SOX5: variants seen among roughly 807,000 people sequenced by gnomAD.
The protein encoded by SOX5 is transcription factor SOX-5.
SOX5 carries 9 observed loss-of-function variants against 92.0 expected under a neutral mutation model. The observed-to-expected ratio is 0.10, with a 90% CI of 0.06 to 0.17. SOX5 has a LOEUF of 0.17. Among genes scored for constraint, SOX5 ranks in the 10% least tolerant of loss-of-function variants. SOX5 has a pLI of 1.00. For missense variants in SOX5, 642 were observed against 944.5 expected (o/e 0.68, Z 4.20); for synonymous variants, 344 against 336.3 (o/e 1.02, Z -0.25).
At chr12:23,573,331 G>A (rs1161174874) in intron 10 of SOX5, among the ~76,000 whole-genome samples, 1 of 152,048 alleles carries the variant, frequency 6.6e-6, no homozygotes, top group Admixed American at 6.6e-5. Flanking sequence ...TGTATAACTG[G>A]AAATCTATTC....
chr12:23,830,966 A>G (rs1448211826), intron 3 of SOX5, among the ~76,000 whole-genome samples: 1 of 152,140 alleles, frequency 6.6e-6, no homozygotes, highest in Non-Finnish European at 1.5e-5. Flanking sequence ...ATCATGCACC[A>G]GGGGCCTGTC....
At chr12:24,246,056 G>A (rs1938628081) in intron 3 of SOX5, among the ~76,000 whole-genome samples, 1 of 152,102 alleles carries the variant, frequency 6.6e-6, no homozygotes, top group African/African-American at 2.4e-5. Context: ...TTTCACATAT[G>A]GACAAAGTTC....
At chr12:23,651,270 CACA>C in intron 7 of SOX5, among the ~76,000 whole-genome samples, 1 of 152,046 alleles carries the variant, frequency 6.6e-6, no homozygotes. Flanking sequence ...TTTTAATCTT[CACA>C]ACAACTCTTT....
At chr12:24,452,313 A>C (rs1479461509) in intron 1 of SOX5, among the ~76,000 whole-genome samples, 1 of 152,206 alleles carries the variant, frequency 6.6e-6, no homozygotes, top group Non-Finnish European at 1.5e-5. Context: ...AATCGAACTT[A>C]TAAGGTAAAA....
intron 4 of SOX5, among the ~76,000 whole-genome samples, chr12:24,125,473 G>T (rs536330411): frequency 1.3e-5 from 2 of 152,162 alleles, no homozygotes; most frequent in Admixed American, 6.5e-5. Flanking sequence ...ACATTGCTAA[G>T]ATATTGCATC....
At chr12:24,557,988 T>C (rs1166111256) in intron 1 of SOX5, among the ~76,000 whole-genome samples, 1 of 152,200 alleles carries the variant, frequency 6.6e-6, no homozygotes. Context: ...GTAAAATCAT[T>C]AGTTGCCTAT....
rs188690338 is a variant in SOX5, at chr12:23,846,333, G to C, written c.271-140C>G. ...GTAACTTTAAAAAATTGGTTATATG[G>C]CTTATTCAGCTGAAAGATTAAAAAG... On this transcript the variant is annotated intron_variant, in intron 2 of 14. Coordinates refer to ENST00000451604, the MANE Select transcript of SOX5 (RefSeq NM_006940.6). 1.6e-4 allele frequency: 103 copies of C among 663,554 alleles called. No individual in the cohort carries two copies. The African/African-American group carries it at 1.6e-3, about 10-fold the overall frequency. The allele number at this position is 663,554 out of a possible 1,614,324, so 41.1% of individuals were successfully genotyped here. A position where few individuals can be genotyped will look rare whatever the true frequency, so the allele number is the denominator to read the frequency against.
In SOX5 at chr12:24,474,624, C is replaced by T. The variant is rs554674245; in HGVS notation, c.-251+87705G>A. On this transcript the variant is annotated intron_variant, in intron 1 of 4. Transcript: ENST00000446891. The stretch of plus-strand genomic sequence containing the variant: ...GATCTCAGTTCATTGCAATGTTTGC[C>T]TCCCAGGTTCAAGCGATTCTCCTGC... Among the ~76,000 whole-genome samples, 3 of 152,152 alleles carry T rather than the reference C, an allele frequency of 2.0e-5. No homozygotes were observed. The East Asian group carries it at 5.8e-4, about 29-fold the overall frequency.
rs1477918400 is a variant in SOX5, at chr12:23,852,962, G to A, written c.271-6769C>T. ...AGAGAAAAAGAGGCAGAGAAGGAAAGGGGGGAATGATTAAAAGCTGCAGTG... is the reference window on the plus strand; with the variant it reads ...AGAGAAAAAGAGGCAGAGAAGGAAAAGGGGGAATGATTAAAAGCTGCAGTG... On this transcript the variant is annotated intron_variant, in intron 2 of 14. Coordinates refer to ENST00000451604, the MANE Select transcript of SOX5 (RefSeq NM_006940.6). Among the ~76,000 whole-genome samples, 3 of 151,906 alleles carry A rather than the reference G, an allele frequency of 2.0e-5. No individual in the cohort carries two copies. The East Asian group carries it at 5.8e-4, about 29-fold the overall frequency.
chr12:24,413,020 G>A (rs1159476764), intron 1 of SOX5, among the ~76,000 whole-genome samples: 1 of 152,158 alleles, frequency 6.6e-6, no homozygotes, highest in Non-Finnish European at 1.5e-5. Context: ...CTCCCAAAGT[G>A]CTGGGATTAC....
intron 4 of SOX5, among the ~76,000 whole-genome samples, chr12:24,201,579 C>A (rs998833970): frequency 2.0e-5 from 3 of 152,122 alleles, no homozygotes; most frequent in African/African-American, 7.2e-5. Context: ...ATTTTGAACA[C>A]AAAAAAACTT....
At chr12:24,130,531 G>T (rs1213634748) in intron 4 of SOX5, among the ~76,000 whole-genome samples, 1 of 152,120 alleles carries the variant, frequency 6.6e-6, no homozygotes, top group African/African-American at 2.4e-5. Context: ...TCATTTCAAT[G>T]AATGAAGTTG....
In SOX5 at chr12:23,988,782, G is replaced by T. The variant is rs540819093; in HGVS notation, c.-1-92758C>A. On this transcript the variant is annotated intron_variant, in intron 4 of 4. Coordinates refer to the SOX5 transcript ENST00000446891. ...AAAGGGAATTAAGTGAAGTTAGAGGGACTGATGGGTTGGCAGGCTAGGGAA... is the reference window on the plus strand; with the variant it reads ...AAAGGGAATTAAGTGAAGTTAGAGGTACTGATGGGTTGGCAGGCTAGGGAA... Among the ~76,000 whole-genome samples, 8 of 152,254 alleles carry T rather than the reference G, an allele frequency of 5.3e-5. No homozygotes were observed. In the South Asian group the frequency reaches 1.7e-3, roughly 32 times the overall value.
intron 3 of SOX5, among the ~76,000 whole-genome samples, chr12:23,834,119 T>C (rs1289372479): frequency 6.6e-6 from 1 of 151,930 alleles, no homozygotes; most frequent in Admixed American, 6.6e-5. Flanking sequence ...GACAAAGTTG[T>C]TTGAGGATCA....
intron 2 of SOX5, among the ~76,000 whole-genome samples, chr12:24,315,098 T>C (rs1435207059): frequency 6.6e-6 from 1 of 152,180 alleles, no homozygotes; most frequent in Admixed American, 6.6e-5. Flanking sequence ...TGAAATCAAA[T>C]CATATGACAG....
intron 1 of SOX5, among the ~76,000 whole-genome samples, chr12:24,524,950 C>T (rs912125062): frequency 6.6e-6 from 1 of 152,164 alleles, no homozygotes; most frequent in Non-Finnish European, 1.5e-5. Flanking sequence ...AGTGACACAA[C>T]AGGACCCTGT....
chr12:24,095,114 CACACACACACACACAGAGAGAG>C (rs1945171605), intron 4 of SOX5, among the ~76,000 whole-genome samples: 4 of 96,610 alleles, frequency 4.1e-5, no homozygotes, highest in African/African-American at 1.0e-4. Context: ...CACACACACA[CACACACACACACACAGAGAGAG>C]AGAGAGAGAG....
chr12:24,064,654 T>C (rs1208403620), intron 4 of SOX5, among the ~76,000 whole-genome samples: 1 of 152,240 alleles, frequency 6.6e-6, no homozygotes, highest in African/African-American at 2.4e-5. Context: ...CTGTTCTCCT[T>C]ATGAGACTGT....
chr12:23,979,892 G>A (rs1424555661), intron 4 of SOX5, among the ~76,000 whole-genome samples: 2 of 138,938 alleles, frequency 1.4e-5, no homozygotes, highest in Non-Finnish European at 3.1e-5. Context: ...TGGCTGGCTG[G>A]CTGGCTGGCT....
Sources: allele counts gnomAD v4.1 joint callset (sites outside exome capture counted in the v4.1 genomes callset), GRCh38; gene constraint gnomAD v4.1.1; transcripts MANE v1.5; gene names NCBI Gene and HGNC (gene_info 2026-07-23, HGNC 2026-07-21).